PKHD1: variants seen among roughly 807,000 people sequenced by gnomAD.
PKHD1 encodes the protein PKHD1 ciliary IPT domain containing fibrocystin/polyductin, also known as fibrocystin.
Under a neutral mutation model 412.0 loss-of-function variants are expected in PKHD1, and 291 were observed. The observed-to-expected ratio is 0.71, with a 90% confidence interval of 0.64 to 0.78. PKHD1 has a LOEUF of 0.78. Among genes scored for constraint, PKHD1 ranks in the 30% least tolerant of loss-of-function variants. The pLI is 0.00. For synonymous variants in PKHD1, 1,777 were observed against 1,821.5 expected (o/e 0.98, Z 0.62); for missense variants, 4,825 against 4,950.7 (o/e 0.97, Z 0.76).
At chr6:51,972,222 A>G (rs902007484) in intron 35 of PKHD1, among the ~76,000 whole-genome samples, 1 of 152,220 alleles carries the variant, frequency 6.6e-6, no homozygotes, top group Non-Finnish European at 1.5e-5. Context: ...AACCAAGCTC[A>G]GGAACAAGAA....
chr6:51,920,644 G>A (rs1193602106), intron 37 of PKHD1, among the ~76,000 whole-genome samples: 1 of 152,144 alleles, frequency 6.6e-6, no homozygotes, highest in African/African-American at 2.4e-5. Flanking sequence ...GATAAAATGA[G>A]TTAGGGAGGA....
At chr6:51,702,394 CG>C (rs1201930058) in intron 60 of PKHD1, among the ~76,000 whole-genome samples, 8 of 151,092 alleles carry the variant, frequency 5.3e-5, no homozygotes, top group Non-Finnish European at 1.0e-4. Flanking sequence ...GATGCAAAGG[CG>C]TAAGAATTAA....
intron 5 of PKHD1, among the ~76,000 whole-genome samples, chr6:52,078,974 T>C (rs1811677077): frequency 6.6e-6 from 1 of 152,238 alleles, no homozygotes; most frequent in East Asian, 1.9e-4. Flanking sequence ...AAATAGCCTA[T>C]ATGAAACACG....
At chr6:51,746,001 GT>G (rs56821032) in intron 59 of PKHD1, among the ~76,000 whole-genome samples, 26,239 of 150,844 alleles carry the variant, frequency 0.17, 2,464 homozygotes, top group African/African-American at 0.25. Context: ...TTTTTGCTTT[GT>G]TTTTTTTTCT....
At chr6:51,913,624 T>A (rs1399730020) in intron 37 of PKHD1, among the ~76,000 whole-genome samples, 1 of 152,156 alleles carries the variant, frequency 6.6e-6, no homozygotes, top group East Asian at 1.9e-4. Flanking sequence ...AGCAAGTTAC[T>A]GTCCTCCCTT....
chr6:51,816,787 A>G (rs1350529092), intron 52 of PKHD1, among the ~76,000 whole-genome samples: 1 of 152,238 alleles, frequency 6.6e-6, no homozygotes, highest in Non-Finnish European at 1.5e-5. Flanking sequence ...ATCCTCTGCC[A>G]CATGGCTGCA....
rs66966800 is a variant in PKHD1, at chr6:51,903,832, C to CAT, written c.6866-107_6866-106dup. Reference sequence around the variant, plus strand: ...ACATCAGAGTTCACATAATGCATTTCATATATATATATATATATATATATA... The same window carrying CAT: ...ACATCAGAGTTCACATAATGCATTTCATATATATATATATATATATATATATA... On this transcript the variant is annotated intron_variant, in intron 42 of 66. Transcript: ENST00000371117. The CAT allele has an allele frequency of 0.058, 25,138 of 432,482 alleles. 640 individuals are homozygous for CAT. The highest frequency in any genetic ancestry group is 0.075 in the Non-Finnish European group (17,834 of 238,952). The allele number at this position is 432,482 out of a possible 1,614,324, so 26.8% of individuals were successfully genotyped here.
At chr6:51,852,249 T>C (rs35905821) in intron 49 of PKHD1, among the ~76,000 whole-genome samples, 11,519 of 152,222 alleles carry the variant, frequency 0.076, 493 homozygotes, top group Non-Finnish European at 0.1. Flanking sequence ...AATTTGATTG[T>C]ACTGTGGTCT....
At chr6:51,939,301 G>A (rs567564396) in intron 36 of PKHD1, among the ~76,000 whole-genome samples, 91 of 149,938 alleles carry the variant, frequency 6.1e-4, no homozygotes, top group Admixed American at 1.7e-3. Flanking sequence ...CCTTCTCTCC[G>A]TGTCTCTACC....
intron 52 of PKHD1, among the ~76,000 whole-genome samples, chr6:51,820,112 T>G (rs1766128956): frequency 6.6e-6 from 1 of 152,338 alleles, no homozygotes; most frequent in Middle Eastern, 3.4e-3. Context: ...CTACAGCTTA[T>G]CTCCATCTGG....
rs148118464 is a variant in PKHD1 at position 51,785,758 on chromosome 6, C to T, written c.8440+5478G>A. Among the ~76,000 whole-genome samples the T allele has an allele frequency of 2.0e-3, 309 of 152,244 alleles. 2 individuals carry two copies. Among genetic ancestry groups the T allele is most frequent in the African/African-American group, 6.9e-3 (286 of 41,556 alleles). On this transcript the variant is annotated intron_variant, in intron 53 of 66. Transcript: ENST00000371117. ...TCCTCTACCACCCTTCAAAGACTTG[C>T]GCTCCTCAAAATTTCTATCCACAAA...
At chr6:51,870,034 C>T (rs1437851946) in intron 47 of PKHD1, among the ~76,000 whole-genome samples, 1 of 152,122 alleles carries the variant, frequency 6.6e-6, no homozygotes, top group Non-Finnish European at 1.5e-5. Flanking sequence ...TCCCTTTGTG[C>T]ATACATCAAG....
intron 29 of PKHD1, among the ~76,000 whole-genome samples, chr6:52,031,217 A>C (rs533769765): frequency 6.6e-6 from 1 of 152,350 alleles, no homozygotes; most frequent in African/African-American, 2.4e-5. Flanking sequence ...TAAATATCTT[A>C]CCCAAGGAGT....
intron 55 of PKHD1, among the ~76,000 whole-genome samples, chr6:51,759,489 C>T (rs1251807456): frequency 6.6e-6 from 1 of 151,798 alleles, no homozygotes; most frequent in Non-Finnish European, 1.5e-5. Context: ...CTAGGAAAAG[C>T]CAAACAGATC....
chr6:51,912,331 T>C (rs1783084826), intron 38 of PKHD1, 35 bp downstream of exon 38: 10 of 1,333,670 alleles, frequency 7.5e-6, no homozygotes, highest in Non-Finnish European at 9.7e-6. Flanking sequence ...TCTCATCTTC[T>C]TCCATGTCAA....
At chr6:51,747,364 G>GA (rs757641326) in intron 58 of PKHD1, among the ~76,000 whole-genome samples, 1 of 152,084 alleles carries the variant, frequency 6.6e-6, no homozygotes, top group Non-Finnish European at 1.5e-5. Context: ...TGTATAATAG[G>GA]AAAAATAACA....
Position 51,903,668 on chromosome 6 carries a change from C to T in PKHD1, c.6925G>A (p.Glu2309Lys), listed in dbSNP as rs754303004. ...AACATTTCAGGATTGGAGAGTCCCT[C>T]GGCACCAGAAACCTGGATGATCACG... is the stretch of plus-strand genomic sequence containing the variant. ...NNVIIQVSGA[E>K]GLSNPEMLTP... The change falls in exon 43 of 67, where the codon GAG becomes AAG. Residue 2309 changes from glutamate (E) to lysine (K), a missense_variant. Transcript: ENST00000371117. 4 of 1,610,676 alleles carry T rather than the reference C, an allele frequency of 2.5e-6. No homozygotes were observed. Among genetic ancestry groups the T allele is most frequent in the East Asian group, 4.5e-5 (2 of 44,868 alleles).
At chr6:51,957,442 A>C (rs1487498103) in intron 36 of PKHD1, among the ~76,000 whole-genome samples, 1 of 152,128 alleles carries the variant, frequency 6.6e-6, no homozygotes, top group Non-Finnish European at 1.5e-5. Flanking sequence ...TGTTGCCACC[A>C]ATGAAATTAG....
chr6:51,909,805 G>T (rs1228189183), intron 39 of PKHD1, among the ~76,000 whole-genome samples: 1 of 152,092 alleles, frequency 6.6e-6, no homozygotes, highest in African/African-American at 2.4e-5. Context: ...TGGAGGAAAT[G>T]TGCAATAAAA....
Sources: allele counts gnomAD v4.1 joint callset (sites outside exome capture counted in the v4.1 genomes callset), GRCh38; gene constraint gnomAD v4.1.1; transcripts MANE v1.5; gene names NCBI Gene and HGNC (gene_info 2026-07-23, HGNC 2026-07-21).